ORC3: variants seen among roughly 807,000 people sequenced by gnomAD.
ORC3 encodes the protein homolog of latheo, Drosophila.
A neutral mutation model predicts 100.7 loss-of-function variants in ORC3; 78 were observed. The observed-to-expected ratio is 0.77, with a 90% CI of 0.65 to 0.94. The LOEUF is 0.94. Among genes scored for constraint, ORC3 ranks in the 40% least tolerant of loss-of-function variants. The probability of loss-of-function intolerance (pLI) is 0.00; values close to 1 mark genes in which losing one functional copy is unlikely to be tolerated. For synonymous variants in ORC3, 295 were observed against 289.3 expected (o/e 1.02, Z -0.20); for missense variants, 789 against 823.9 (o/e 0.96, Z 0.52).
intron 9 of ORC3, among the ~76,000 whole-genome samples, chr6:87,618,190 C>G (rs1328482449): frequency 6.6e-6 from 1 of 152,140 alleles, no homozygotes; most frequent in East Asian, 1.9e-4. Flanking sequence ...GCAGGCAGAT[C>G]ATGATATCAG....
At chr6:87,660,001 C>G (rs1180937244) in intron 16 of ORC3, among the ~76,000 whole-genome samples, 1 of 152,178 alleles carries the variant, frequency 6.6e-6, no homozygotes, top group African/African-American at 2.4e-5. Context: ...AGTCTAGCCC[C>G]AAACTCTTGA....
At chr6:87,623,961 C>T (rs1779712356) in intron 11 of ORC3, among the ~76,000 whole-genome samples, 1 of 152,104 alleles carries the variant, frequency 6.6e-6, no homozygotes, top group South Asian at 2.1e-4. Context: ...TACATATTTT[C>T]TTAGCATTTA....
In ORC3 at chr6:87,638,870, G is replaced by A. The variant is rs180679590; in HGVS notation, c.1382+2384G>A. On this transcript the variant is annotated intron_variant, in intron 13 of 19. Coordinates refer to ENST00000392844, the MANE Select transcript of ORC3 (RefSeq NM_012381.4). ...GTGTTAAGTACTTATATGTGAATAA[G>A]TGTAAGAAAATGGTTGCATATAAAT... Among the ~76,000 whole-genome samples the A allele has an allele frequency of 1.1e-3, 168 of 151,922 alleles. 3 individuals carry two copies. The highest frequency in any genetic ancestry group is 4.0e-3 in the African/African-American group (164 of 41,454).
Position 87,655,298 on chromosome 6 carries a change from G to C in ORC3, c.1517-1608G>C, listed in dbSNP as rs1284811671. ...CCTCCTGGGCTCAAGTAATCCTCCT[G>C]CCTCCACCTCCTGAGTAGCTAGGAC... is the stretch of plus-strand genomic sequence containing the variant. On this transcript the variant is annotated intron_variant, in intron 14 of 19. Transcript: ENST00000392844. 2.6e-5 allele frequency among the ~76,000 whole-genome samples: 4 copies of C among 151,274 alleles called. No individual in the cohort carries two copies. The East Asian group carries it at 7.8e-4, about 29-fold the overall frequency.
the ORC3 span, among the ~76,000 whole-genome samples, chr6:87,676,597 A>ACACACGCACGCGCGCG: frequency 0.028 from 48 of 1,734 alleles, no homozygotes; most frequent in African/African-American, 0.088. Context: ...TCTACTAAAA[A>ACACACGCACGCGCGCG]CACACACACA....
At position 87,656,938 on chromosome 6, in the gene ORC3, C is replaced by G; in HGVS notation, c.1549C>G (p.Gln517Glu). ...TKEEEDASGS[Q>E]PKGLQKTDLY... ...AGAGGAAGAAGATGCTTCTGGGTCA[C>G]AGCCAAAGGGGCTTCAGAAGACAGA... The change falls in exon 15 of 20, where the codon CAG (glutamine) becomes GAG (glutamate). Residue 517 changes from glutamine to glutamate, a missense_variant. Transcript: ENST00000392844. 6.2e-7 allele frequency: 1 copy of G among 1,613,168 alleles called. No homozygotes were observed. Among genetic ancestry groups the G allele is most frequent in the South Asian group, 1.1e-5 (1 of 91,044 alleles).
chr6:87,622,805 A>G (rs1434771098), intron 11 of ORC3, among the ~76,000 whole-genome samples: 1 of 152,140 alleles, frequency 6.6e-6, no homozygotes, highest in Non-Finnish European at 1.5e-5. Context: ...TTCATTTTGT[A>G]CTTAATCTTG....
intron 11 of ORC3, among the ~76,000 whole-genome samples, chr6:87,622,974 A>G (rs1779639725): frequency 6.6e-6 from 1 of 152,196 alleles, no homozygotes; most frequent in Non-Finnish European, 1.5e-5. Context: ...AGTTGTTAGA[A>G]TATTGTAATG....
At chr6:87,619,555 C>T (rs1461957774) in intron 9 of ORC3, among the ~76,000 whole-genome samples, 1 of 152,128 alleles carries the variant, frequency 6.6e-6, no homozygotes, top group Non-Finnish European at 1.5e-5. Context: ...TACAGGCATG[C>T]GCCACCACGC....
intron 19 of ORC3, among the ~76,000 whole-genome samples, chr6:87,666,507 C>T (rs1481410227): frequency 7.1e-6 from 1 of 140,794 alleles, no homozygotes; most frequent in Non-Finnish European, 1.5e-5. Flanking sequence ...GGCACGATCT[C>T]GGCTCACCGC....
intron 8 of ORC3, 95 bp from the exon 9 acceptor site, chr6:87,616,219 A>C (rs890180442): frequency 4.0e-6 from 2 of 505,254 alleles, no homozygotes; most frequent in African/African-American, 3.8e-5. Context: ...TAACTGTGTC[A>C]TAATATCATT....
At chr6:87,593,984 T>C (rs9450755) in intron 1 of ORC3, among the ~76,000 whole-genome samples, 92,711 of 152,264 alleles carry the variant, frequency 0.61, 29,058 homozygotes, top group African/African-American at 0.75. Flanking sequence ...CATGAGCCAC[T>C]GTGCCCAGCC....
At chr6:87,620,158 G>A (rs1327120369) in intron 9 of ORC3, among the ~76,000 whole-genome samples, 1 of 152,076 alleles carries the variant, frequency 6.6e-6, no homozygotes, top group Non-Finnish European at 1.5e-5. Context: ...TAACTTCTGT[G>A]GCTTCCTCCC....
At chr6:87,638,730 A>T (rs1768005433) in intron 13 of ORC3, among the ~76,000 whole-genome samples, 1 of 152,184 alleles carries the variant, frequency 6.6e-6, no homozygotes, top group African/African-American at 2.4e-5. Context: ...GGCACACCAC[A>T]GTTTATTCAG....
At position 87,621,939 on chromosome 6, in the gene ORC3, G is replaced by A; in HGVS notation, c.1122-11G>A. The A allele has an allele frequency of 6.3e-7, 1 of 1,591,060 alleles. No homozygotes were observed. The highest frequency in any genetic ancestry group is 8.6e-7 in the Non-Finnish European group (1 of 1,161,946). On this transcript the variant is annotated splice_polypyrimidine_tract_variant and intron_variant, in intron 10 of 19. Transcript: ENST00000392844. ...TTTCTCTTTTTATGTATGGAATGGT[G>A]AAAATTCTAGGTACGTGGAAAAGCA...
At chr6:87,594,639 A>G (rs983072953) in intron 2 of ORC3, 5 of 972,016 alleles carry the variant, frequency 5.1e-6, no homozygotes, top group Non-Finnish European at 5.3e-6. Flanking sequence ...ATTTCCTTCA[A>G]AGGATATGCT....
the ORC3 span, chr6:87,675,640 A>G: frequency 6.2e-7 from 1 of 1,612,278 alleles, no homozygotes; most frequent in Admixed American, 1.7e-5. Context: ...TTAGTGCAAA[A>G]TACAGGTCAA....
chr6:87,607,416 G>A (rs1293016005), intron 5 of ORC3, among the ~76,000 whole-genome samples: 3 of 151,888 alleles, frequency 2.0e-5, no homozygotes. Flanking sequence ...GGGCAACAGA[G>A]CGAGACTCCA....
intron 16 of ORC3, among the ~76,000 whole-genome samples, chr6:87,659,554 G>A (rs1213454913): frequency 6.6e-6 from 1 of 151,972 alleles, no homozygotes; most frequent in Non-Finnish European, 1.5e-5. Context: ...CTAGTCATTG[G>A]GGAGAAATTG....
Sources: allele counts gnomAD v4.1 joint callset (sites outside exome capture counted in the v4.1 genomes callset), GRCh38; gene constraint gnomAD v4.1.1; transcripts MANE v1.5; gene names NCBI Gene and HGNC (gene_info 2026-07-23, HGNC 2026-07-21).